MSH4: variants seen among roughly 807,000 people sequenced by gnomAD.
The protein encoded by MSH4 is mutS homolog 4, also known as mutS protein homolog 4.
In MSH4, 106 loss-of-function variants were observed where a neutral mutation model predicts 113.7. That is an observed-to-expected ratio of 0.93 (90% CI 0.80 to 1.10). MSH4 has a LOEUF of 1.10. Among genes scored for constraint, MSH4 ranks in the 50% least tolerant of loss-of-function variants. The pLI, the probability that MSH4 is intolerant of heterozygous loss-of-function variation, is 0.00. For synonymous variants in MSH4, 368 were observed against 380.2 expected, an observed-to-expected ratio of 0.97 and a Z score of 0.37; for missense variants, 1,061 against 1,093.7, an observed-to-expected ratio of 0.97 and a Z score of 0.42.
chr1:75,910,629 G>C (rs1323449535), intron 19 of MSH4, among the ~76,000 whole-genome samples: 1 of 151,542 alleles, frequency 6.6e-6, no homozygotes, highest in Non-Finnish European at 1.5e-5. Context: ...TAAGATTTTT[G>C]CCCTTGTTTC....
chr1:75,818,815 T>G (rs1263713200), intron 6 of MSH4, among the ~76,000 whole-genome samples: 1 of 152,120 alleles, frequency 6.6e-6, no homozygotes, highest in Admixed American at 6.6e-5. Context: ...CAGGCTGGAG[T>G]GCAGTGGTGC....
At chr1:75,848,615 G>A (rs893643284) in intron 8 of MSH4, among the ~76,000 whole-genome samples, 1 of 152,098 alleles carries the variant, frequency 6.6e-6, no homozygotes, top group Non-Finnish European at 1.5e-5. Flanking sequence ...TTGCATGCTT[G>A]TAGTCCCAGC....
At chr1:75,856,339 G>T (rs1651317043) in intron 8 of MSH4, among the ~76,000 whole-genome samples, 1 of 152,004 alleles carries the variant, frequency 6.6e-6, no homozygotes, top group African/African-American at 2.4e-5. Flanking sequence ...TGCAGAACGT[G>T]CAGTTTTGTT....
rs944381662 is a variant in MSH4 at position 75,912,597 on chromosome 1, A to T, written c.2620-99A>T. The stretch of plus-strand genomic sequence containing the variant: ...GAATTAGTTAACCCTTGAGTTCCAT[A>T]TGTCTATGGAAGGAGATAGAATATT... On this transcript the variant is annotated intron_variant, in intron 19 of 19. Coordinates refer to ENST00000263187, the MANE Select transcript of MSH4 (RefSeq NM_002440.4). 8 of 703,286 alleles carry T rather than the reference A, an allele frequency of 1.1e-5. No individual in the cohort carries two copies. In the Admixed American group the frequency reaches 2.9e-4, roughly 25 times the overall value. 43.6% of individuals were successfully genotyped at this position (703,286 alleles called of 1,614,324 possible). A position where few individuals can be genotyped will look rare whatever the true frequency, so the allele number is the denominator to read the frequency against.
intron 11 of MSH4, 71 bp downstream of exon 11, chr1:75,878,389 G>C (rs943066489): frequency 2.5e-6 from 3 of 1,209,116 alleles, no homozygotes; most frequent in Admixed American, 2.7e-5. Flanking sequence ...GTCCTTTTTT[G>C]CTGCTGATGA....
Position 75,860,334 on chromosome 1 carries a change from A to G in MSH4, c.1231-7180A>G, listed in dbSNP as rs527509097. On this transcript the variant is annotated intron_variant, in intron 8 of 19. Coordinates refer to ENST00000263187, the MANE Select transcript of MSH4 (RefSeq NM_002440.4). ...TGCTAGCTGGTCATTTCTCCCATTA[A>G]TTTATGCAGTTTTTCCATAGCATTG... Among the ~76,000 whole-genome samples the G allele has an allele frequency of 8.5e-5, 13 of 152,058 alleles. No individual in the cohort carries two copies. In the South Asian group the frequency reaches 2.7e-3, roughly 32 times the overall value.
intron 8 of MSH4, among the ~76,000 whole-genome samples, chr1:75,849,951 A>C (rs1163059995): frequency 6.6e-6 from 1 of 152,056 alleles, no homozygotes; most frequent in African/African-American, 2.4e-5. Context: ...ATTTCACCCA[A>C]CTTTTCAATG....
chr1:75,860,935 A>G (rs1651442191), intron 8 of MSH4, among the ~76,000 whole-genome samples: 1 of 152,100 alleles, frequency 6.6e-6, no homozygotes, highest in Non-Finnish European at 1.5e-5. Flanking sequence ...ACCTAGTCCC[A>G]TATTTCTTGG....
rs148854887 is a variant in MSH4, at chr1:75,858,174, A to G, written c.1231-9340A>G. Among the ~76,000 whole-genome samples, 44 of 152,334 alleles carry G rather than the reference A, an allele frequency of 2.9e-4. No individual in the cohort carries two copies. In the East Asian group the frequency reaches 7.9e-3, roughly 27 times the overall value. On this transcript the variant is annotated intron_variant, in intron 8 of 19. Transcript: ENST00000263187. ...CTTAAGAAGATTTTGAGCTGAGACA[A>G]TGGGGTTTTCTAAATATACAATCAT... is the stretch of plus-strand genomic sequence containing the variant.
chr1:75,848,313 A>T lies in MSH4; in HGVS notation c.1230+37A>T, dbSNP rs375618597. Reference sequence around the variant, plus strand: ...TATACATTTTGTATTATATTATTATACATTATTTGATGGAACTTGTCTTAA... The same window carrying T: ...TATACATTTTGTATTATATTATTATTCATTATTTGATGGAACTTGTCTTAA... On this transcript the variant is annotated intron_variant, in intron 8 of 19. Transcript: ENST00000263187. 53 of 1,337,966 alleles carry T rather than the reference A, an allele frequency of 4.0e-5. No homozygotes were observed. The African/African-American group carries it at 6.5e-4, about 16-fold the overall frequency. The allele number at this position is 1,337,966 out of a possible 1,614,324, so 82.9% of individuals were successfully genotyped here. A position where few individuals can be genotyped will look rare whatever the true frequency, so the allele number is the denominator to read the frequency against.
rs1471945120 is a variant in MSH4, at chr1:75,815,010, C to G, written c.700-11C>G. 2.0e-6 allele frequency: 3 copies of G among 1,514,358 alleles called. No individual in the cohort carries two copies. The highest frequency in any genetic ancestry group is 4.5e-5 in the East Asian group (2 of 44,008). 93.8% of individuals were successfully genotyped at this position (1,514,358 alleles called of 1,614,324 possible). A position where few individuals can be genotyped will look rare whatever the true frequency, so the allele number is the denominator to read the frequency against. On this transcript the variant is annotated splice_polypyrimidine_tract_variant and intron_variant, in intron 4 of 19. Coordinates refer to ENST00000263187, the MANE Select transcript of MSH4 (RefSeq NM_002440.4). ...TTCAAACTTTATTTTGAAATTAAAA[C>G]TTCTTTTCAGAATGTTAATTTCACT...
intron 9 of MSH4, among the ~76,000 whole-genome samples, chr1:75,875,310 A>G (rs1043814039): frequency 6.6e-6 from 1 of 152,234 alleles, no homozygotes; most frequent in African/African-American, 2.4e-5. Flanking sequence ...GATGAAGATG[A>G]TGTTGTAACA....
chr1:75,858,447 C>T (rs1191494027), intron 8 of MSH4, among the ~76,000 whole-genome samples: 1 of 152,120 alleles, frequency 6.6e-6, no homozygotes, highest in African/African-American at 2.4e-5. Flanking sequence ...TCCATTGATA[C>T]CCACTTTATT....
In MSH4 at chr1:75,867,747, G is replaced by A. The variant is rs150295394; in HGVS notation, c.1305+159G>A. 9.7e-4 allele frequency among the ~76,000 whole-genome samples: 148 copies of A among 151,866 alleles called. 1 individual carries two copies. The highest frequency in any genetic ancestry group is 3.5e-3 in the African/African-American group (143 of 41,414). Reference sequence around the variant, plus strand: ...CTTTACATACACATACACATTGTTAGCCTTATTATGCTTACTGAACCATTT... The same window carrying A: ...CTTTACATACACATACACATTGTTAACCTTATTATGCTTACTGAACCATTT... On this transcript the variant is annotated intron_variant, in intron 9 of 19. Transcript: ENST00000263187.
chr1:75,912,426 T>G (rs541040489), intron 19 of MSH4, among the ~76,000 whole-genome samples: 1 of 152,262 alleles, frequency 6.6e-6, no homozygotes, highest in South Asian at 2.1e-4. Flanking sequence ...AGCATAATTT[T>G]TTTCATTGAA....
At chr1:75,813,311 A>G (rs1429775307) in intron 4 of MSH4, among the ~76,000 whole-genome samples, 1 of 152,220 alleles carries the variant, frequency 6.6e-6, no homozygotes, top group Non-Finnish European at 1.5e-5. Flanking sequence ...GGCCTTCCAG[A>G]ATCACATGGA....
chr1:75,830,992 G>A (rs1318850742), intron 7 of MSH4, among the ~76,000 whole-genome samples: 1 of 152,078 alleles, frequency 6.6e-6, no homozygotes, highest in East Asian at 1.9e-4. Context: ...GACACAGACT[G>A]GCAAGTTGGA....
At position 75,797,935 on chromosome 1, in the gene MSH4, C is replaced by A. The variant is rs114201400; in HGVS notation, c.244+706C>A. On this transcript the variant is annotated intron_variant, in intron 1 of 19. Transcript: ENST00000263187. ...TTTCAGCCTGGGTGACACAGTGAGACCCTGACTCAAAACAAACAAACAAAA... is the reference window on the plus strand; with the variant it reads ...TTTCAGCCTGGGTGACACAGTGAGAACCTGACTCAAAACAAACAAACAAAA... 5.8e-3 allele frequency among the ~76,000 whole-genome samples: 885 copies of A among 152,260 alleles called. 7 individuals are homozygous for A. The highest frequency in any genetic ancestry group is 0.02 in the African/African-American group (844 of 41,540).
intron 14 of MSH4, 108 bp downstream of exon 14, chr1:75,881,478 G>C: frequency 1.7e-6 from 2 of 1,151,456 alleles, no homozygotes; most frequent in Non-Finnish European, 2.5e-6. Flanking sequence ...TTGAAATAGA[G>C]TCTCTTGCCT....
Sources: allele counts gnomAD v4.1 joint callset (sites outside exome capture counted in the v4.1 genomes callset), GRCh38; gene constraint gnomAD v4.1.1; transcripts MANE v1.5; gene names NCBI Gene and HGNC (gene_info 2026-07-23, HGNC 2026-07-21).